The following RBFOX1 variants were observed in gnomAD, a reference collection of about 807,000 sequenced individuals.
RBFOX1 encodes the protein RNA binding fox-1 homolog 1, also known as RNA binding protein fox-1 homolog 1.
In RBFOX1, 8 loss-of-function variants were observed where a neutral mutation model predicts 57.7. That is an observed-to-expected ratio of 0.14 (90% CI 0.08 to 0.25). RBFOX1 has a LOEUF of 0.25. Ranked by LOEUF, RBFOX1 falls within the 10% of genes least tolerant of loss-of-function variation. The probability of loss-of-function intolerance (pLI) is 1.00; values close to 1 mark genes in which losing one functional copy is unlikely to be tolerated. For synonymous variants in RBFOX1, 326 were observed against 222.4 expected, an observed-to-expected ratio of 1.47 and a Z score of -4.15; for missense variants, 611 against 548.5, an observed-to-expected ratio of 1.11 and a Z score of -1.14.
chr16:5,679,930 G>A (rs2050279282), intron 3 of RBFOX1, among the ~76,000 whole-genome samples: 1 of 152,178 alleles, frequency 6.6e-6, no homozygotes, highest in Admixed American at 6.5e-5. Context: ...TTCTATTCAT[G>A]CTTCCTGTCA....
intron 3 of RBFOX1, among the ~76,000 whole-genome samples, chr16:6,979,570 A>G (rs951193304): frequency 3.9e-5 from 6 of 152,190 alleles, no homozygotes; most frequent in Non-Finnish European, 8.8e-5. Flanking sequence ...AAGAAGAGAT[A>G]GCAGGATTGC....
At chr16:6,451,333 T>TTA (rs1479432531) in intron 2 of RBFOX1, among the ~76,000 whole-genome samples, 1 of 152,188 alleles carries the variant, frequency 6.6e-6, no homozygotes, top group African/African-American at 2.4e-5. Flanking sequence ...CTGACATTTA[T>TTA]TAGTACTTGC....
chr16:5,351,256 A>G (rs1336090748), intron 1 of RBFOX1, among the ~76,000 whole-genome samples: 1 of 152,050 alleles, frequency 6.6e-6, no homozygotes, highest in African/African-American at 2.4e-5. Flanking sequence ...TCAATAAATA[A>G]TATGTTTGTC....
intron 4 of RBFOX1, among the ~76,000 whole-genome samples, chr16:7,470,932 A>C (rs570996967): frequency 1.4e-4 from 21 of 152,114 alleles, no homozygotes; most frequent in Non-Finnish European, 2.5e-4. Context: ...ACCTAAAAAT[A>C]TTTTTATTTA....
At chr16:7,098,193 A>G (rs775568518) in intron 4 of RBFOX1, among the ~76,000 whole-genome samples, 3 of 152,194 alleles carry the variant, frequency 2.0e-5, no homozygotes, top group Non-Finnish European at 2.9e-5. Context: ...ATTTAGAGAC[A>G]GAGTCTAGCT....
At chr16:6,064,698 A>C (rs1238749958) in intron 1 of RBFOX1, among the ~76,000 whole-genome samples, 1 of 151,918 alleles carries the variant, frequency 6.6e-6, no homozygotes, top group African/African-American at 2.4e-5. Flanking sequence ...ATGCCACCAC[A>C]CCCAGCTAAT....
At chr16:6,677,357 C>T (rs1284131813) in intron 3 of RBFOX1, among the ~76,000 whole-genome samples, 2 of 152,160 alleles carry the variant, frequency 1.3e-5, no homozygotes, top group Non-Finnish European at 2.9e-5. Flanking sequence ...TAGATACAAA[C>T]ACACATCAAG....
intron 1 of RBFOX1, among the ~76,000 whole-genome samples, chr16:5,306,557 C>G (rs1056617317): frequency 2.0e-5 from 3 of 152,166 alleles, no homozygotes; most frequent in East Asian, 1.9e-4. Context: ...ACCCACCTGC[C>G]TTGGCCTCCC....
chr16:6,288,855 A>G (rs920580870), intron 1 of RBFOX1, among the ~76,000 whole-genome samples: 1 of 152,064 alleles, frequency 6.6e-6, no homozygotes, highest in Admixed American at 6.6e-5. Context: ...ATAGGGTTGG[A>G]ATTCTGGATC....
chr16:6,599,115 C>G (rs13332491), intron 2 of RBFOX1, among the ~76,000 whole-genome samples: 3,441 of 152,208 alleles, frequency 0.023, 77 homozygotes, highest in African/African-American at 0.062. Context: ...TTCCAAATCA[C>G]CTGATACGGT....
chr16:7,091,698 T>C (rs2060885327), intron 4 of RBFOX1, among the ~76,000 whole-genome samples: 1 of 152,184 alleles, frequency 6.6e-6, no homozygotes, highest in African/African-American at 2.4e-5. Context: ...TTATCTCTGC[T>C]CTTTCACCCC....
chr16:6,561,440 C>G (rs1029287845), intron 2 of RBFOX1, among the ~76,000 whole-genome samples: 3 of 152,094 alleles, frequency 2.0e-5, no homozygotes, highest in Non-Finnish European at 4.4e-5. Context: ...TGTATTTACC[C>G]AATAGGCTGT....
At chr16:5,436,592 G>T (rs944772477) in intron 1 of RBFOX1, among the ~76,000 whole-genome samples, 1 of 152,146 alleles carries the variant, frequency 6.6e-6, no homozygotes, top group Non-Finnish European at 1.5e-5. Flanking sequence ...TGTAATCCTA[G>T]CAGTTTGGGA....
chr16:6,285,298 A>G (rs1225901726), intron 1 of RBFOX1, among the ~76,000 whole-genome samples: 5 of 152,132 alleles, frequency 3.3e-5, no homozygotes, highest in South Asian at 2.1e-4. Flanking sequence ...AGAAATATGA[A>G]AAGAACCTCA....
intron 4 of RBFOX1, among the ~76,000 whole-genome samples, chr16:5,963,816 A>G (rs2059796323): frequency 1.3e-5 from 2 of 152,174 alleles, no homozygotes; most frequent in Non-Finnish European, 1.5e-5. Flanking sequence ...TAGAAACAAA[A>G]CAGGAGAAAG....
chr16:7,340,116 G>C (rs1001808294), intron 4 of RBFOX1, among the ~76,000 whole-genome samples: 2 of 152,208 alleles, frequency 1.3e-5, no homozygotes, highest in Non-Finnish European at 1.5e-5. Context: ...TTTAGAGCCA[G>C]AGGGCAGGGT....
chr16:5,781,961 T>A (rs1389061336), intron 3 of RBFOX1, among the ~76,000 whole-genome samples: 2 of 152,164 alleles, frequency 1.3e-5, no homozygotes, highest in African/African-American at 4.8e-5. Context: ...ATCCCAGCAC[T>A]TAGGGAGGCC....
chr16:6,396,778 A>C (rs909948934), intron 2 of RBFOX1, among the ~76,000 whole-genome samples: 1 of 152,244 alleles, frequency 6.6e-6, no homozygotes, highest in African/African-American at 2.4e-5. Context: ...TCATGAGAAG[A>C]AGCAGTTAAC....
At chr16:5,663,373 T>G (rs939368218) in intron 3 of RBFOX1, among the ~76,000 whole-genome samples, 2 of 145,770 alleles carry the variant, frequency 1.4e-5, no homozygotes, top group Non-Finnish European at 3.0e-5. Flanking sequence ...CCCAGCTAAT[T>G]TTTTTTTTTT....
Sources: allele counts gnomAD v4.1 joint callset (sites outside exome capture counted in the v4.1 genomes callset), GRCh38; gene constraint gnomAD v4.1.1; transcripts MANE v1.5; gene names NCBI Gene and HGNC (gene_info 2026-07-23, HGNC 2026-07-21).